Variants in PHF14 observed in about 807,000 individuals in gnomAD.
PHF14 encodes the protein PHD finger protein 14.
A neutral mutation model predicts 117.9 loss-of-function variants in PHF14; 55 were observed. The observed-to-expected ratio is 0.47, with a 90% CI of 0.38 to 0.58. The LOEUF is 0.58. Among genes scored for constraint, PHF14 ranks in the 20% least tolerant of loss-of-function variants. The pLI, the probability that PHF14 is intolerant of heterozygous loss-of-function variation, is 0.00. For synonymous variants in PHF14, 409 were observed against 368.6 expected (o/e 1.11, Z -1.26); for missense variants, 978 against 1,122.2 (o/e 0.87, Z 1.84).
intron 5 of PHF14, among the ~76,000 whole-genome samples, chr7:11,018,315 T>C (rs1385751970): frequency 6.6e-6 from 1 of 152,178 alleles, no homozygotes; most frequent in Non-Finnish European, 1.5e-5. Context: ...AGGGATTGCA[T>C]TGAATCTGTA....
chr7:11,146,367 C>T (rs1220408572), intron 17 of PHF14, among the ~76,000 whole-genome samples: 1 of 152,148 alleles, frequency 6.6e-6, no homozygotes, highest in Non-Finnish European at 1.5e-5. Context: ...TTCAGAGACT[C>T]TAACCTTATC....
intron 14 of PHF14, among the ~76,000 whole-genome samples, chr7:11,053,611 CA>C (rs1784918484): frequency 6.6e-6 from 1 of 151,914 alleles, no homozygotes; most frequent in African/African-American, 2.4e-5. Flanking sequence ...ATTATTTTTC[CA>C]GTTTCTTTAT....
rs1785152823 is a variant in PHF14, at chr7:11,059,821, T to G, written c.2482-1970T>G. Among the ~76,000 whole-genome samples, 3 of 152,154 alleles carry G rather than the reference T, an allele frequency of 2.0e-5. No individual in the cohort carries two copies. The South Asian group carries it at 6.2e-4, about 32-fold the overall frequency. On this transcript the variant is annotated intron_variant, in intron 14 of 17. Coordinates refer to ENST00000634607, the MANE Select transcript of PHF14 (RefSeq NM_001007157.2). ...AATATACATTATGCAAATTAGATAATAGAGTACCAAATTAGGGAAAAATAA... is the reference window on the plus strand; with the variant it reads ...AATATACATTATGCAAATTAGATAAGAGAGTACCAAATTAGGGAAAAATAA...
intron 4 of PHF14, among the ~76,000 whole-genome samples, chr7:10,997,703 C>T (rs1317537843): frequency 6.6e-6 from 1 of 152,196 alleles, no homozygotes; most frequent in African/African-American, 2.4e-5. Flanking sequence ...TCTTTGATGG[C>T]TGTTGGCCAG....
At chr7:11,038,077 G>C (rs143188006) in intron 10 of PHF14, among the ~76,000 whole-genome samples, 4 of 151,970 alleles carry the variant, frequency 2.6e-5, no homozygotes, top group African/African-American at 9.7e-5. Flanking sequence ...CTGAATAATT[G>C]GATAGCCTTG....
chr7:11,121,662 A>C (rs577418804), intron 17 of PHF14, among the ~76,000 whole-genome samples: 121 of 152,258 alleles, frequency 7.9e-4, no homozygotes, highest in African/African-American at 2.8e-3. Flanking sequence ...CAAGCCCTGC[A>C]GTACTGTGAT....
chr7:11,092,351 A>G (rs376051955), intron 16 of PHF14, among the ~76,000 whole-genome samples: 37 of 152,308 alleles, frequency 2.4e-4, no homozygotes, highest in African/African-American at 8.7e-4. Context: ...GGTGACCAAG[A>G]ATTTGTATTT....
chr7:10,978,513 T>C (rs1781943647), intron 2 of PHF14, among the ~76,000 whole-genome samples: 1 of 152,122 alleles, frequency 6.6e-6, no homozygotes, highest in Non-Finnish European at 1.5e-5. Flanking sequence ...TTTTTATATT[T>C]GGGGATCAGT....
intron 4 of PHF14, among the ~76,000 whole-genome samples, chr7:11,008,606 C>G (rs1276788120): frequency 1.3e-5 from 2 of 152,142 alleles, no homozygotes; most frequent in Non-Finnish European, 2.9e-5. Flanking sequence ...CCTGTCCCAT[C>G]CATGGAAAAA....
At chr7:10,999,335 GT>G (rs1031796705) in intron 4 of PHF14, among the ~76,000 whole-genome samples, 40 of 152,270 alleles carry the variant, frequency 2.6e-4, no homozygotes, top group African/African-American at 9.4e-4. Context: ...TGAATATATA[GT>G]TCCTTATCTG....
At chr7:11,078,648 C>G (rs1022373177) in intron 16 of PHF14, among the ~76,000 whole-genome samples, 1 of 152,054 alleles carries the variant, frequency 6.6e-6, no homozygotes, top group African/African-American at 2.4e-5. Context: ...ATAGAATAAG[C>G]CTCTCACCCA....
intron 16 of PHF14, among the ~76,000 whole-genome samples, chr7:11,092,429 TGCATAAA>T (rs1330484113): frequency 6.6e-6 from 1 of 152,224 alleles, no homozygotes; most frequent in Non-Finnish European, 1.5e-5. Flanking sequence ...CACTGCCTTA[TGCATAAA>T]GCCCTTATGC....
chr7:11,013,563 G>A (rs1303591555), intron 4 of PHF14, among the ~76,000 whole-genome samples, 184 bp from the exon 5 acceptor site: 1 of 152,074 alleles, frequency 6.6e-6, no homozygotes, highest in Non-Finnish European at 1.5e-5. Flanking sequence ...ATTTCATTGT[G>A]TATACTACAT....
At chr7:11,128,939 C>G (rs1232047854) in intron 17 of PHF14, among the ~76,000 whole-genome samples, 1 of 151,872 alleles carries the variant, frequency 6.6e-6, no homozygotes, top group Non-Finnish European at 1.5e-5. Flanking sequence ...CTAGGCTGTT[C>G]ATTTGACATT....
intron 3 of PHF14, among the ~76,000 whole-genome samples, chr7:10,989,044 G>C (rs1301705034): frequency 6.6e-6 from 1 of 152,036 alleles, no homozygotes; most frequent in Non-Finnish European, 1.5e-5. Context: ...AGTTTTATTT[G>C]CCAGCCATTT....
chr7:11,005,483 C>G (rs1262516421), intron 4 of PHF14, among the ~76,000 whole-genome samples: 5 of 152,180 alleles, frequency 3.3e-5, no homozygotes, highest in Non-Finnish European at 7.3e-5. Context: ...ACTTCTCTCT[C>G]TTTCTCTCAC....
At chr7:11,125,777 C>T (rs1210301721) in intron 17 of PHF14, among the ~76,000 whole-genome samples, 1 of 152,052 alleles carries the variant, frequency 6.6e-6, no homozygotes, top group Non-Finnish European at 1.5e-5. Flanking sequence ...TCTCTGGTCA[C>T]CTAAGATACA....
At chr7:11,098,018 G>A (rs1786942357) in intron 16 of PHF14, among the ~76,000 whole-genome samples, 1 of 151,604 alleles carries the variant, frequency 6.6e-6, no homozygotes, top group South Asian at 2.1e-4. Context: ...CTTTAAAAAA[G>A]TCTTTTTTAA....
intron 17 of PHF14, among the ~76,000 whole-genome samples, chr7:11,159,882 C>T (rs974115797): frequency 1.3e-5 from 2 of 152,042 alleles, no homozygotes; most frequent in African/African-American, 2.4e-5. Flanking sequence ...GAATGAGAAG[C>T]AATTTTCCGC....
Sources: allele counts gnomAD v4.1 joint callset (sites outside exome capture counted in the v4.1 genomes callset), GRCh38; gene constraint gnomAD v4.1.1; transcripts MANE v1.5; gene names NCBI Gene and HGNC (gene_info 2026-07-23, HGNC 2026-07-21).